The following PTPRD variants were observed in gnomAD, a reference collection of about 807,000 sequenced individuals.
PTPRD encodes the protein protein tyrosine phosphatase receptor type D.
PTPRD carries 34 observed loss-of-function variants against 214.5 expected under a neutral mutation model. That is an observed-to-expected ratio of 0.16 (90% confidence interval 0.12 to 0.21). The LOEUF is 0.21. PTPRD is among the 10% of genes least tolerant of loss of function. PTPRD has a pLI of 1.00. For missense variants in PTPRD, 2,545 were observed against 2,398.7 expected (o/e 1.06, Z -1.27); for synonymous variants, 1,128 against 845.7 (o/e 1.33, Z -5.79).
At chr9:10,118,342 C>T (rs1302904336) in intron 3 of PTPRD, among the ~76,000 whole-genome samples, 2 of 151,234 alleles carry the variant, frequency 1.3e-5, no homozygotes, top group African/African-American at 2.4e-5. Context: ...TATTAATGTA[C>T]ATATCTTTTT....
intron 3 of PTPRD, among the ~76,000 whole-genome samples, chr9:10,159,892 A>G (rs2099117058): frequency 6.6e-6 from 1 of 152,112 alleles, no homozygotes; most frequent in South Asian, 2.1e-4. Context: ...TCCGAGAATT[A>G]TTGGTGTTCA....
intron 6 of PTPRD, among the ~76,000 whole-genome samples, chr9:9,749,289 G>A (rs1038576478): frequency 6.6e-6 from 1 of 152,112 alleles, no homozygotes; most frequent in Non-Finnish European, 1.5e-5. Context: ...CAATTATCAG[G>A]TTGGTAAGTT....
chr9:10,474,254 C>T (rs1248412298), intron 2 of PTPRD, among the ~76,000 whole-genome samples: 1 of 149,084 alleles, frequency 6.7e-6, no homozygotes, highest in African/African-American at 2.5e-5. Context: ...CGTTCAAAGA[C>T]ATACATAGGC....
At chr9:9,669,786 T>C (rs1040095527) in intron 7 of PTPRD, among the ~76,000 whole-genome samples, 1 of 152,288 alleles carries the variant, frequency 6.6e-6, no homozygotes, top group African/African-American at 2.4e-5. Context: ...TAAACCTTTA[T>C]GAGAATATTG....
chr9:10,528,972 A>T (rs2055214609), intron 2 of PTPRD, among the ~76,000 whole-genome samples: 1 of 152,176 alleles, frequency 6.6e-6, no homozygotes, highest in African/African-American at 2.4e-5. Context: ...TTTTTAATTA[A>T]GAAAAATAGA....
At chr9:8,783,863 T>G (rs1181533890) in intron 11 of PTPRD, among the ~76,000 whole-genome samples, 2 of 152,180 alleles carry the variant, frequency 1.3e-5, no homozygotes, top group Non-Finnish European at 2.9e-5. Flanking sequence ...ATAAAAAACT[T>G]GAGCATCGAG....
At chr9:9,651,088 T>G (rs1408484261) in intron 7 of PTPRD, among the ~76,000 whole-genome samples, 3 of 152,124 alleles carry the variant, frequency 2.0e-5, no homozygotes, top group Non-Finnish European at 4.4e-5. Flanking sequence ...TACCCATGGT[T>G]ACTCTTCTAA....
At chr9:9,973,590 C>T (rs2095235722) in intron 4 of PTPRD, among the ~76,000 whole-genome samples, 2 of 152,078 alleles carry the variant, frequency 1.3e-5, no homozygotes, top group Non-Finnish European at 2.9e-5. Context: ...TAACTTTCTT[C>T]GCTAGGAAAG....
chr9:8,845,680 C>T (rs138725205), intron 11 of PTPRD, among the ~76,000 whole-genome samples: 1 of 152,212 alleles, frequency 6.6e-6, no homozygotes, highest in Non-Finnish European at 1.5e-5. Flanking sequence ...CAGAAAATGT[C>T]CACAGCTCAA....
At chr9:9,628,934 G>C (rs2095503414) in intron 7 of PTPRD, among the ~76,000 whole-genome samples, 1 of 151,860 alleles carries the variant, frequency 6.6e-6, no homozygotes, top group African/African-American at 2.4e-5. Flanking sequence ...AGCACTTTGG[G>C]AGGCCGAGGC....
intron 9 of PTPRD, among the ~76,000 whole-genome samples, chr9:9,393,542 A>C (rs1484838858): frequency 1.3e-5 from 2 of 152,152 alleles, no homozygotes; most frequent in Admixed American, 1.3e-4. Context: ...CACTTATTGG[A>C]GTGGAATAAC....
chr9:10,485,889 T>C (rs1023254118), intron 2 of PTPRD, among the ~76,000 whole-genome samples: 3 of 152,104 alleles, frequency 2.0e-5, no homozygotes, highest in Admixed American at 6.5e-5. Flanking sequence ...TAGTAGATAC[T>C]AATAATCCTT....
At chr9:8,454,776 A>C (rs970331605) in intron 33 of PTPRD, among the ~76,000 whole-genome samples, 1 of 151,936 alleles carries the variant, frequency 6.6e-6, no homozygotes, top group Non-Finnish European at 1.5e-5. Flanking sequence ...ATTATGAACT[A>C]AACAGAGGAC....
At chr9:9,712,364 G>A (rs2097753684) in intron 7 of PTPRD, among the ~76,000 whole-genome samples, 1 of 151,522 alleles carries the variant, frequency 6.6e-6, no homozygotes, top group Non-Finnish European at 1.5e-5. Context: ...TGACAAATCT[G>A]AATAGGAACA....
chr9:10,558,154 T>G (rs2063054806), intron 2 of PTPRD, among the ~76,000 whole-genome samples: 1 of 152,208 alleles, frequency 6.6e-6, no homozygotes, highest in Non-Finnish European at 1.5e-5. Flanking sequence ...TTTGACTCCT[T>G]CAGACTTAGT....
At chr9:10,169,029 T>G (rs769702188) in intron 3 of PTPRD, among the ~76,000 whole-genome samples, 1 of 152,098 alleles carries the variant, frequency 6.6e-6, no homozygotes, top group African/African-American at 2.4e-5. Flanking sequence ...TCCTAAAAAT[T>G]GTCAGAAACC....
intron 39 of PTPRD, among the ~76,000 whole-genome samples, chr9:8,370,955 G>A (rs1005643755): frequency 8.5e-5 from 13 of 152,048 alleles, no homozygotes; most frequent in South Asian, 8.3e-4. Context: ...CACGGGAAGC[G>A]AAAAGCAGTA....
At chr9:9,693,224 C>T (rs574730586) in intron 7 of PTPRD, among the ~76,000 whole-genome samples, 5 of 152,042 alleles carry the variant, frequency 3.3e-5, no homozygotes, top group African/African-American at 4.8e-5. Flanking sequence ...GCTTTGTGTT[C>T]GCACTAAATC....
rs547812657 is a variant in PTPRD at position 8,865,144 on chromosome 9, T to A, written c.-103-131198A>T. On this transcript the variant is annotated intron_variant, in intron 11 of 45. Coordinates refer to ENST00000381196, the MANE Select transcript of PTPRD (RefSeq NM_002839.4). The stretch of plus-strand genomic sequence containing the variant: ...TGTTATCACTTTTTAAAAATAAATC[T>A]ATCATTCTTTCTTTAATCATAATAC... 5.3e-3 allele frequency among the ~76,000 whole-genome samples: 555 copies of A among 105,128 alleles called. 1 individual carries two copies. The highest frequency in any genetic ancestry group is 0.017 in the African/African-American group (533 of 30,810). 69.0% of individuals were successfully genotyped at this position (105,128 alleles called of 152,430 possible).
Sources: allele counts gnomAD v4.1 joint callset (sites outside exome capture counted in the v4.1 genomes callset), GRCh38; gene constraint gnomAD v4.1.1; transcripts MANE v1.5; gene names NCBI Gene and HGNC (gene_info 2026-07-23, HGNC 2026-07-21).